Variants in KAT2B observed in about 807,000 individuals in gnomAD.
The protein encoded by KAT2B is lysine acetyltransferase 2B.
A neutral mutation model predicts 105.9 loss-of-function variants in KAT2B; 36 were observed. The ratio of observed to expected loss-of-function variants is 0.34; its 90% CI spans 0.26 to 0.45. The LOEUF is 0.45. KAT2B is among the 20% of genes least tolerant of loss of function. KAT2B has a pLI of 1.00. For synonymous variants in KAT2B, 397 were observed against 377.9 expected, an observed-to-expected ratio of 1.05 and a Z score of -0.59; for missense variants, 820 against 1,021.6, an observed-to-expected ratio of 0.80 and a Z score of 2.69.
chr3:20,054,230 A>G (rs2125167888), intron 1 of KAT2B, among the ~76,000 whole-genome samples: 1 of 152,030 alleles, frequency 6.6e-6, no homozygotes, highest in East Asian at 1.9e-4. Context: ...CCTGGGTTCA[A>G]GCAATTCTCT....
intron 1 of KAT2B, among the ~76,000 whole-genome samples, chr3:20,050,758 C>T (rs1359173001): frequency 6.7e-6 from 1 of 148,866 alleles, no homozygotes; most frequent in Non-Finnish European, 1.5e-5. Flanking sequence ...GACTGGAGTG[C>T]AGTGGCATGA....
intron 1 of KAT2B, among the ~76,000 whole-genome samples, chr3:20,050,308 T>C (rs1697894081): frequency 6.6e-6 from 1 of 152,186 alleles, no homozygotes; most frequent in South Asian, 2.1e-4. Context: ...AACTTTTAGT[T>C]GCATTACACA....
intron 1 of KAT2B, among the ~76,000 whole-genome samples, chr3:20,045,210 G>C (rs545990412): frequency 6.6e-6 from 1 of 151,842 alleles, no homozygotes; most frequent in East Asian, 1.9e-4. Flanking sequence ...TAGAGATGGG[G>C]TTTCGCCATG....
At position 20,061,066 on chromosome 3, in the gene KAT2B, A is replaced by T. The variant is rs150763956; in HGVS notation, c.304-11267A>T. On this transcript the variant is annotated intron_variant, in intron 1 of 17. Coordinates refer to ENST00000263754, the MANE Select transcript of KAT2B (RefSeq NM_003884.5). ...AAGAAATTCACATTATTGTGCAATC[A>T]TCACCACCATTCATCCACAGAACAC... 1.8e-3 allele frequency among the ~76,000 whole-genome samples: 281 copies of T among 152,358 alleles called. 3 individuals carry two copies. Among genetic ancestry groups the T allele is most frequent in the African/African-American group, 6.0e-3 (250 of 41,586 alleles).
intron 2 of KAT2B, among the ~76,000 whole-genome samples, chr3:20,091,668 T>C (rs886884791): frequency 6.6e-6 from 1 of 152,208 alleles, no homozygotes; most frequent in Non-Finnish European, 1.5e-5. Context: ...TGCTGCATTT[T>C]GTAAGTTTTG....
rs1259345554 is a variant in KAT2B, at chr3:20,121,730, ATATGTGTGTGTGTGTGTGTGTGTG to A, written c.1277-936_1277-913del. Among the ~76,000 whole-genome samples, 827 of 92,576 alleles carry A rather than the reference ATATGTGTGTGTGTGTGTGTGTGTG, an allele frequency of 8.9e-3. 13 individuals are homozygous for A. The highest frequency in any genetic ancestry group is 0.028 in the African/African-American group (753 of 27,016). 60.7% of individuals were successfully genotyped at this position (92,576 alleles called of 152,430 possible). ...TATATATGCATACATACACATATGC[ATATGTGTGTGTGTGTGTGTGTGTG>A]TGTGTGTGTGTGTGTGTGTGTGTGT... On this transcript the variant is annotated intron_variant, in intron 8 of 17. Coordinates refer to ENST00000263754, the MANE Select transcript of KAT2B (RefSeq NM_003884.5).
intron 1 of KAT2B, among the ~76,000 whole-genome samples, chr3:20,053,074 T>C (rs2929404): frequency 0.85 from 129,462 of 152,226 alleles, 55,281 homozygotes; most frequent in East Asian, 0.97. Context: ...GGAACAACAC[T>C]TACTCATAGT....
intron 1 of KAT2B, among the ~76,000 whole-genome samples, chr3:20,047,770 G>A (rs1349723454): frequency 6.6e-6 from 1 of 151,872 alleles, no homozygotes; most frequent in Non-Finnish European, 1.5e-5. Flanking sequence ...GTGCCACCAT[G>A]CCCTGTTAAA....
Position 20,040,666 on chromosome 3 carries a change from G to C in KAT2B, c.189G>C (p.Thr63=), listed in dbSNP as rs1271525681. 2 of 1,534,838 alleles carry C rather than the reference G, an allele frequency of 1.3e-6. No homozygotes were observed. The highest frequency in any genetic ancestry group is 1.7e-6 in the Non-Finnish European group (2 of 1,146,974). ...CGACGGCAGTGGCTGCAGCGGGCAC[G>C]GCCGAAGGACCGGGAGGCGGTGGCT... ...GPATAVAAAG[T]AEGPGGGGSA... Residue 63 remains threonine, a synonymous_variant, in exon 1 of 18, where the codon ACG becomes ACC. Transcript: ENST00000263754.
chr3:20,098,295 A>G (rs1698847843), intron 3 of KAT2B, among the ~76,000 whole-genome samples: 1 of 152,156 alleles, frequency 6.6e-6, no homozygotes, highest in Non-Finnish European at 1.5e-5. Context: ...GCTGCGTCCT[A>G]AAGTTGAAGT....
At chr3:20,089,056 G>A (rs1227566863) in intron 2 of KAT2B, among the ~76,000 whole-genome samples, 1 of 152,060 alleles carries the variant, frequency 6.6e-6, no homozygotes, top group Non-Finnish European at 1.5e-5. Context: ...TAGATTTCTG[G>A]GCTGTCTATT....
intron 15 of KAT2B, 41 bp downstream of exon 15, chr3:20,148,040 T>C: frequency 6.3e-7 from 1 of 1,593,108 alleles, no homozygotes; most frequent in South Asian, 1.1e-5. Context: ...GAAGTGATTT[T>C]TTTTTTTCCC....
intron 13 of KAT2B, among the ~76,000 whole-genome samples, chr3:20,141,889 G>A (rs980705365): frequency 6.7e-6 from 1 of 150,276 alleles, no homozygotes; most frequent in Non-Finnish European, 1.5e-5. Context: ...AGTTAATAAA[G>A]CACAGCGGGC....
chr3:20,062,388 CAT>C (rs1271999882), intron 1 of KAT2B, among the ~76,000 whole-genome samples: 10 of 105,150 alleles, frequency 9.5e-5, no homozygotes, highest in Admixed American at 3.9e-4. Flanking sequence ...TTATATATAA[CAT>C]AATAAATTAT....
intron 2 of KAT2B, among the ~76,000 whole-genome samples, chr3:20,079,947 G>T (rs117118536): frequency 2.2e-4 from 33 of 152,188 alleles, no homozygotes; most frequent in Non-Finnish European, 3.8e-4. Context: ...TTTGGTATAA[G>T]TTATGTCTCC....
chr3:20,072,073 T>C (rs192182532), intron 1 of KAT2B, among the ~76,000 whole-genome samples: 1 of 152,138 alleles, frequency 6.6e-6, no homozygotes, highest in Non-Finnish European at 1.5e-5. Context: ...GGGGCAATGG[T>C]AGCAAAGTGT....
chr3:20,144,826 C>T (rs540970670), intron 13 of KAT2B, among the ~76,000 whole-genome samples: 4 of 151,166 alleles, frequency 2.6e-5, no homozygotes, highest in African/African-American at 4.9e-5. Context: ...GAGGAAGTCT[C>T]GCTCTGTCAC....
At chr3:20,077,292 T>C (rs1698436659) in intron 2 of KAT2B, among the ~76,000 whole-genome samples, 1 of 152,116 alleles carries the variant, frequency 6.6e-6, no homozygotes, top group African/African-American at 2.4e-5. Flanking sequence ...AAGTGAGCTG[T>C]GATGGGGCCA....
chr3:20,121,183 A>T (rs1699301201), intron 8 of KAT2B, among the ~76,000 whole-genome samples: 1 of 152,194 alleles, frequency 6.6e-6, no homozygotes, highest in Non-Finnish European at 1.5e-5. Flanking sequence ...AACTCGACAA[A>T]AGTGATTTAG....
Sources: gnomAD v4.1 joint callset for allele counts (sites outside exome capture counted in the v4.1 genomes callset) on GRCh38, gnomAD v4.1.1 for gene constraint, MANE v1.5 for transcripts, NCBI Gene and HGNC (gene_info 2026-07-23, HGNC 2026-07-21) for gene names.